Variants in POLR3B observed in about 807,000 individuals in gnomAD.
The protein encoded by POLR3B is RNA polymerase III subunit B, also known as DNA-directed RNA polymerase III subunit RPC2.
A neutral mutation model predicts 147.4 loss-of-function variants in POLR3B; 96 were observed. The ratio of observed to expected loss-of-function variants is 0.65; its 90% CI spans 0.55 to 0.77. POLR3B has a LOEUF of 0.77. Among genes scored for constraint, POLR3B ranks in the 30% least tolerant of loss-of-function variants. POLR3B has a pLI of 0.00. For synonymous variants in POLR3B, 461 were observed against 485.9 expected (o/e 0.95, Z 0.67); for missense variants, 1,036 against 1,413.5 (o/e 0.73, Z 4.28).
At chr12:106,488,736 C>G (rs1024272179) in intron 23 of POLR3B, among the ~76,000 whole-genome samples, 1 of 152,168 alleles carries the variant, frequency 6.6e-6, no homozygotes, top group African/African-American at 2.4e-5. Context: ...ATGTAAGCCT[C>G]TTCAACTGTG....
At chr12:106,409,997 G>C (rs563236044) in intron 11 of POLR3B, among the ~76,000 whole-genome samples, 4 of 152,138 alleles carry the variant, frequency 2.6e-5, no homozygotes, top group Non-Finnish European at 4.4e-5. Context: ...CAGTGTTTCT[G>C]CTAGAGAAGA....
At chr12:106,408,162 G>A (rs557007958) in intron 11 of POLR3B, among the ~76,000 whole-genome samples, 1 of 152,318 alleles carries the variant, frequency 6.6e-6, no homozygotes. Context: ...GTTTAAAGAT[G>A]ATTAGACGTA....
At chr12:106,372,539 C>G (rs137912062) in intron 6 of POLR3B, among the ~76,000 whole-genome samples, 250 of 151,972 alleles carry the variant, frequency 1.6e-3, no homozygotes, top group African/African-American at 6.0e-3. Context: ...CAGGGTTTCA[C>G]CACGTTGGCC....
chr12:106,417,866 G>A (rs530757210), intron 12 of POLR3B, among the ~76,000 whole-genome samples: 24 of 152,196 alleles, frequency 1.6e-4, no homozygotes, highest in Non-Finnish European at 8.8e-5. Context: ...AATAAGGAAT[G>A]GAGTAAGGAG....
intron 23 of POLR3B, among the ~76,000 whole-genome samples, chr12:106,484,833 A>G (rs2038316121): frequency 6.6e-6 from 1 of 152,070 alleles, no homozygotes; most frequent in Admixed American, 6.5e-5. Flanking sequence ...TTAGGGTAAG[A>G]GTTCTGAGGC....
At chr12:106,472,574 A>T (rs1011414336) in intron 23 of POLR3B, among the ~76,000 whole-genome samples, 2 of 151,416 alleles carry the variant, frequency 1.3e-5, no homozygotes, top group African/African-American at 4.9e-5. Flanking sequence ...GTGAGATGAT[A>T]TCTCATAGTG....
chr12:106,388,568 A>T (rs571241997), intron 9 of POLR3B, among the ~76,000 whole-genome samples: 4 of 152,138 alleles, frequency 2.6e-5, no homozygotes, highest in African/African-American at 9.7e-5. Context: ...TGCCCACCTT[A>T]GCCTCCCAAA....
chr12:106,486,445 G>A (rs914223317), intron 23 of POLR3B, among the ~76,000 whole-genome samples: 4 of 152,046 alleles, frequency 2.6e-5, no homozygotes, highest in African/African-American at 9.7e-5. Context: ...CTGGTTAAAG[G>A]TGGCTCTTTT....
chr12:106,480,518 A>C (rs1021228486), intron 23 of POLR3B, among the ~76,000 whole-genome samples: 1 of 152,080 alleles, frequency 6.6e-6, no homozygotes, highest in Non-Finnish European at 1.5e-5. Flanking sequence ...TCTTCAGTGC[A>C]TAGACTTTAA....
chr12:106,429,174 T>A (rs1018642843), intron 13 of POLR3B, among the ~76,000 whole-genome samples: 2 of 152,212 alleles, frequency 1.3e-5, no homozygotes, highest in African/African-American at 4.8e-5. Flanking sequence ...TTTTGCTTTT[T>A]TTTGGACAGC....
chr12:106,506,813 G>A (rs916176129), intron 27 of POLR3B, among the ~76,000 whole-genome samples: 5 of 152,090 alleles, frequency 3.3e-5, no homozygotes, highest in African/African-American at 9.7e-5. Flanking sequence ...TAGTCTAGCC[G>A]CTGCCTCGGG....
At chr12:106,360,415 G>A (rs17038386) in intron 1 of POLR3B, among the ~76,000 whole-genome samples, 3,121 of 152,008 alleles carry the variant, frequency 0.021, 109 homozygotes, top group African/African-American at 0.071. Flanking sequence ...CTTCTGGATC[G>A]CTCTCCCCTT....
intron 18 of POLR3B, among the ~76,000 whole-genome samples, chr12:106,441,109 A>G (rs1352179038): frequency 6.6e-6 from 1 of 152,196 alleles, no homozygotes; most frequent in African/African-American, 2.4e-5. Flanking sequence ...TCTGAGTACA[A>G]ACATACACAC....
chr12:106,441,519 T>C (rs766086966), intron 18 of POLR3B, among the ~76,000 whole-genome samples: 2 of 152,174 alleles, frequency 1.3e-5, no homozygotes, highest in Non-Finnish European at 1.5e-5. Flanking sequence ...AGAAAAGGTA[T>C]AGTAAAAATG....
chr12:106,474,023 T>C (rs1324130344), intron 23 of POLR3B, among the ~76,000 whole-genome samples: 18 of 130,318 alleles, frequency 1.4e-4, no homozygotes, highest in African/African-American at 4.0e-4. Flanking sequence ...GCTCTTATTA[T>C]TTTGAAATAC....
At chr12:106,400,801 G>A (rs1454681888) in intron 10 of POLR3B, among the ~76,000 whole-genome samples, 1 of 152,174 alleles carries the variant, frequency 6.6e-6, no homozygotes, top group Non-Finnish European at 1.5e-5. Context: ...CAACATACCA[G>A]AATCTCTGGG....
At chr12:106,376,915 AT>A (rs1189816677) in intron 7 of POLR3B, among the ~76,000 whole-genome samples, 2 of 152,134 alleles carry the variant, frequency 1.3e-5, no homozygotes, top group Non-Finnish European at 2.9e-5. Flanking sequence ...ATTAGTCTAT[AT>A]TTCTCAAAGA....
At chr12:106,453,087 T>C (rs527450330) in intron 19 of POLR3B, among the ~76,000 whole-genome samples, 70 of 151,114 alleles carry the variant, frequency 4.6e-4, no homozygotes, top group African/African-American at 1.6e-3. Context: ...TGTAGTGGTA[T>C]GATCTTAGCT....
intron 23 of POLR3B, among the ~76,000 whole-genome samples, chr12:106,477,569 C>T (rs1386066392): frequency 2.0e-5 from 3 of 151,904 alleles, no homozygotes; most frequent in African/African-American, 7.3e-5. Context: ...TCTCGTGGTG[C>T]ACCGTTTTTT....
Sources: gnomAD v4.1 joint callset for allele counts (sites outside exome capture counted in the v4.1 genomes callset) on GRCh38, gnomAD v4.1.1 for gene constraint, MANE v1.5 for transcripts, NCBI Gene and HGNC (gene_info 2026-07-23, HGNC 2026-07-21) for gene names.